The following KCNQ5 variants were observed in gnomAD, a reference collection of about 807,000 sequenced individuals.
KCNQ5 encodes potassium voltage-gated channel subfamily KQT member 5.
In KCNQ5, 30 loss-of-function variants were observed where a neutral mutation model predicts 98.2. The observed-to-expected ratio is 0.31, with a 90% CI of 0.23 to 0.41. The LOEUF (loss-of-function observed/expected upper bound fraction) is 0.41. Among genes scored for constraint, KCNQ5 ranks in the 10% least tolerant of loss-of-function variants. The pLI, the probability that KCNQ5 is intolerant of heterozygous loss-of-function variation, is 1.00. For synonymous variants in KCNQ5, 458 were observed against 449.4 expected (o/e 1.02, Z -0.24); for missense variants, 835 against 1,182.5 (o/e 0.71, Z 4.31).
chr6:72,826,167 A>G (rs1775984252), intron 1 of KCNQ5, among the ~76,000 whole-genome samples: 1 of 152,174 alleles, frequency 6.6e-6, no homozygotes, highest in Admixed American at 6.6e-5. Context: ...AAAGATACCA[A>G]TTCATTCGAC....
At position 72,622,603 on chromosome 6, in the gene KCNQ5, C is replaced by T; in HGVS notation, c.398+16C>T. Reference sequence around the variant, plus strand: ...ACGCTTTCGTGTGAGTACCCGCGCCCCCTGCTATGCCCGCTGCAGGGGACC... The same window carrying T: ...ACGCTTTCGTGTGAGTACCCGCGCCTCCTGCTATGCCCGCTGCAGGGGACC... On this transcript the variant is annotated intron_variant, in intron 1 of 13. Transcript: ENST00000370398. This position sits in a 1 kb window ranked among gnomAD's most constrained non-coding sequence, Gnocchi z 6.0. The T allele has an allele frequency of 6.2e-7, 1 of 1,611,308 alleles. No individual in the cohort carries two copies. Among genetic ancestry groups the T allele is most frequent in the Non-Finnish European group, 8.5e-7 (1 of 1,179,018 alleles).
chr6:72,632,897 G>A (rs1422622597), intron 1 of KCNQ5, among the ~76,000 whole-genome samples: 1 of 152,042 alleles, frequency 6.6e-6, no homozygotes, highest in Non-Finnish European at 1.5e-5. Context: ...GAACATATGA[G>A]TGTGTGTGTC....
chr6:73,068,621 A>C (rs1420879978), intron 3 of KCNQ5, among the ~76,000 whole-genome samples: 2 of 152,174 alleles, frequency 1.3e-5, no homozygotes, highest in Non-Finnish European at 2.9e-5. Flanking sequence ...GTCACTTAAC[A>C]AGGTAACCCA....
intron 1 of KCNQ5, among the ~76,000 whole-genome samples, chr6:72,697,007 G>A (rs1279119875): frequency 1.3e-5 from 2 of 152,096 alleles, no homozygotes; most frequent in African/African-American, 2.4e-5. Flanking sequence ...GAGGTCAATC[G>A]CGGTATCATT....
At chr6:72,804,828 C>T (rs1340128732) in intron 1 of KCNQ5, among the ~76,000 whole-genome samples, 1 of 152,076 alleles carries the variant, frequency 6.6e-6, no homozygotes, top group African/African-American at 2.4e-5. Context: ...CCAGCATTTG[C>T]TATTGCCTGT....
chr6:73,181,403 C>G (rs1336136602), intron 11 of KCNQ5, among the ~76,000 whole-genome samples: 1 of 152,176 alleles, frequency 6.6e-6, no homozygotes, highest in East Asian at 1.9e-4. Flanking sequence ...TATTCCTCAG[C>G]CTTTTGCTGG....
intron 1 of KCNQ5, among the ~76,000 whole-genome samples, chr6:72,742,427 C>A (rs1450150516): frequency 6.6e-6 from 1 of 152,088 alleles, no homozygotes; most frequent in Non-Finnish European, 1.5e-5. Context: ...TGTTCCTTTC[C>A]CTGCTCCTCT....
intron 11 of KCNQ5, among the ~76,000 whole-genome samples, chr6:73,180,458 G>C (rs1778368478): frequency 6.6e-6 from 1 of 152,160 alleles, no homozygotes; most frequent in African/African-American, 2.4e-5. Context: ...GTTCTGATTA[G>C]AGGTCTGACA....
chr6:73,148,227 C>T (rs1379256004), intron 10 of KCNQ5, among the ~76,000 whole-genome samples: 2 of 152,138 alleles, frequency 1.3e-5, no homozygotes, highest in Non-Finnish European at 2.9e-5. Flanking sequence ...AGAAATTTTG[C>T]CAGCATTTCT....
At position 73,041,992 on chromosome 6, in the gene KCNQ5, G is replaced by C. The variant is rs139236005; in HGVS notation, c.546G>C (p.Ala182=). 1.2e-6 allele frequency: 2 copies of C among 1,613,836 alleles called. No individual in the cohort carries two copies. Among genetic ancestry groups the C allele is most frequent in the East Asian group, 4.5e-5 (2 of 44,878 alleles). Reference sequence around the variant, plus strand: ...AGTTCATCATTCGAATCTGGTCTGCGGGTTGCTGTTGTCGATATAGAGGAT... The same window carrying C: ...AGTTCATCATTCGAATCTGGTCTGCCGGTTGCTGTTGTCGATATAGAGGAT... ...GLEFIIRIWS[A]GCCCRYRGWQ... Residue 182 remains alanine (A), a synonymous_variant, in exon 3 of 14, where the codon GCG becomes GCC. Coordinates refer to ENST00000370398, the MANE Select transcript of KCNQ5 (RefSeq NM_019842.4).
chr6:73,153,601 C>T (rs1777236702), intron 10 of KCNQ5, among the ~76,000 whole-genome samples: 1 of 152,014 alleles, frequency 6.6e-6, no homozygotes, highest in Non-Finnish European at 1.5e-5. Context: ...CTATGAAAGC[C>T]TCCCATAGAG....
At chr6:72,732,320 G>A (rs1770598341) in intron 1 of KCNQ5, among the ~76,000 whole-genome samples, 1 of 152,120 alleles carries the variant, frequency 6.6e-6, no homozygotes, top group Non-Finnish European at 1.5e-5. Context: ...ATTAGGAAGG[G>A]GAGGGGAGGT....
At chr6:72,800,853 A>G (rs1354522825) in intron 1 of KCNQ5, among the ~76,000 whole-genome samples, 2 of 152,146 alleles carry the variant, frequency 1.3e-5, no homozygotes, top group Non-Finnish European at 1.5e-5. Context: ...TTCAAAGAAC[A>G]TCTTTATTTC....
At chr6:72,653,167 A>T (rs1346274298) in intron 1 of KCNQ5, among the ~76,000 whole-genome samples, 2 of 151,498 alleles carry the variant, frequency 1.3e-5, no homozygotes, top group African/African-American at 4.8e-5. Flanking sequence ...CATTTTCTGA[A>T]TTTTTCCATG....
intron 1 of KCNQ5, among the ~76,000 whole-genome samples, chr6:72,736,543 A>G (rs1770849252): frequency 7.8e-6 from 1 of 128,004 alleles, no homozygotes; most frequent in East Asian, 2.4e-4. Flanking sequence ...TCTGTCGCCC[A>G]GGCTGGAGTG....
At position 72,640,075 on chromosome 6, in the gene KCNQ5, G is replaced by T. The variant is rs148652340; in HGVS notation, c.398+17488G>T. 1.2e-3 allele frequency among the ~76,000 whole-genome samples: 182 copies of T among 152,246 alleles called. 1 individual carries two copies. Among genetic ancestry groups the T allele is most frequent in the Admixed American group, 4.5e-3 (69 of 15,296 alleles). On this transcript the variant is annotated intron_variant, in intron 1 of 13. Transcript: ENST00000370398. The stretch of plus-strand genomic sequence containing the variant: ...GAGTTCAGGCATGATCACGTAGAAG[G>T]CTACCTGGTGTGTGAGATTGTGAGA...
At chr6:73,158,272 T>G (rs9343014) in intron 10 of KCNQ5, 40,794 of 167,560 alleles carry the variant, frequency 0.24, 5,569 homozygotes, top group East Asian at 0.43. Context: ...TTTTTTTTTT[T>G]TTTTTTTTTT....
At chr6:72,967,849 G>T (rs992976412) in intron 1 of KCNQ5, 16 of 154,116 alleles carry the variant, frequency 1.0e-4, no homozygotes, top group Admixed American at 3.9e-4. Flanking sequence ...CCTATACCTT[G>T]GCCTCCCAAC....
At chr6:72,845,686 G>T (rs752069363) in intron 1 of KCNQ5, among the ~76,000 whole-genome samples, 9 of 152,226 alleles carry the variant, frequency 5.9e-5, no homozygotes, top group Non-Finnish European at 1.3e-4. Flanking sequence ...AATCTGTGAA[G>T]GTGTTTAGAG....
Sources: gnomAD v4.1 joint callset for allele counts (sites outside exome capture counted in the v4.1 genomes callset) on GRCh38, gnomAD v4.1.1 for gene constraint, Gnocchi (gnomAD v3.1) non-coding constraint, MANE v1.5 for transcripts, NCBI Gene and HGNC (gene_info 2026-07-23, HGNC 2026-07-21) for gene names.